PRRC2A: variants seen among roughly 807,000 people sequenced by gnomAD.
PRRC2A encodes proline rich coiled-coil 2A.
PRRC2A carries 59 observed loss-of-function variants against 224.6 expected under a neutral mutation model. The observed-to-expected ratio is 0.26, with a 90% CI of 0.21 to 0.33. The LOEUF (loss-of-function observed/expected upper bound fraction) is 0.33. Among genes scored for constraint, PRRC2A ranks in the 10% least tolerant of loss-of-function variants. The pLI is 1.00. For missense variants in PRRC2A, 3,095 were observed against 2,880.7 expected (o/e 1.07, Z -1.70); for synonymous variants, 1,194 against 1,109.5 (o/e 1.08, Z -1.51).
At chr6:31,637,191 G>A (rs750468211) in intron 29 of PRRC2A, 43 bp from the exon 30 acceptor site, 1 of 1,604,972 alleles carries the variant, frequency 6.2e-7, no homozygotes, top group African/African-American at 1.3e-5. Context: ...TTGGAACCAG[G>A]GTCTGGATCC....
At position 31,625,225 on chromosome 6, in the gene PRRC2A, T is replaced by C. The variant is rs781710222; in HGVS notation, c.518T>C (p.Leu173Pro). The C allele has an allele frequency of 6.2e-7, 1 of 1,613,124 alleles. No homozygotes were observed. Among genetic ancestry groups the C allele is most frequent in the Non-Finnish European group, 8.5e-7 (1 of 1,180,026 alleles). ...SRFSREEFPT[L>P]QAAGDQDKAA... ...TTCTCTCGAGAGGAATTTCCGACCC[T>C]GCAGGCGGCTGGCGACCAGGACAAG... Residue 173 changes from leucine to proline, a missense_variant, in exon 6 of 31, where the codon CTG becomes CCG. Coordinates refer to ENST00000376033, the MANE Select transcript of PRRC2A (RefSeq NM_004638.4). This position sits in a 1 kb window ranked among gnomAD's most constrained non-coding sequence, Gnocchi z 4.1.
Position 31,631,614 on chromosome 6 carries a change from C to G in PRRC2A, c.2941C>G (p.Pro981Ala). ...GGATGAAACCCCCAAACCCCCAAAGCCAGACCCACTCAAGATAACCAAGGG... is the reference window on the plus strand; with the variant it reads ...GGATGAAACCCCCAAACCCCCAAAGGCAGACCCACTCAAGATAACCAAGGG... ...QGDETPKPPK[P>A]DPLKITKGKL... The change falls in exon 16 of 31, where the codon CCA becomes GCA. Residue 981 changes from proline to alanine, a missense_variant. This residue lies in a region of PRRC2A where 2,001 missense variants were observed against 1,764.9 expected (regional missense o/e 1.13). Transcript: ENST00000376033. The surrounding 1 kb of genome is among the most constrained non-coding windows in gnomAD (Gnocchi z 4.5). 1 of 1,533,202 alleles carries G rather than the reference C, an allele frequency of 6.5e-7. No homozygotes were observed. The highest frequency in any genetic ancestry group is 8.7e-7 in the Non-Finnish European group (1 of 1,144,544). The allele number at this position is 1,533,202 out of a possible 1,614,324, so 95.0% of individuals were successfully genotyped here. A position where few individuals can be genotyped will look rare whatever the true frequency, so the allele number is the denominator to read the frequency against.
Position 31,623,829 on chromosome 6 carries a change from A to G in PRRC2A, c.210A>G (p.Lys70=), listed in dbSNP as rs116417610. 8 of 1,614,206 alleles carry G rather than the reference A, an allele frequency of 5.0e-6. No individual in the cohort carries two copies. Among genetic ancestry groups the G allele is most frequent in the African/African-American group, 2.7e-5 (2 of 75,046 alleles). Residue 70 remains lysine, a synonymous_variant, in exon 3 of 31, where the codon AAA becomes AAG. Transcript: ENST00000376033. The stretch of plus-strand genomic sequence containing the variant: ...TTCCAAGCCTGAAAGCCGAGAACAA[A>G]GGCAATGACCCCAATGTCTCACTAG... The part of the protein sequence containing the change: ...ANLPSLKAEN[K]GNDPNVSLVP...
chr6:31,637,222 T>C lies in PRRC2A; in HGVS notation c.6243-12T>C. The C allele has an allele frequency of 6.2e-7, 1 of 1,609,148 alleles. No homozygotes were observed. Among genetic ancestry groups the C allele is most frequent in the Non-Finnish European group, 8.5e-7 (1 of 1,176,448 alleles). ...GATCCTAGGCTTGCCTTAGACGCCC[T>C]TCTTCCCTTAGGTCCTTCTCTGGCC... is the stretch of plus-strand genomic sequence containing the variant. On this transcript the variant is annotated splice_polypyrimidine_tract_variant and intron_variant, in intron 29 of 30. Transcript: ENST00000376033.
intron 12 of PRRC2A, 22 bp downstream of exon 12, chr6:31,628,261 C>T (rs1406140009): frequency 6.3e-7 from 1 of 1,592,644 alleles, no homozygotes; most frequent in Non-Finnish European, 8.5e-7. Context: ...GGGATAGGTA[C>T]TACCAGATGT....
At chr6:31,624,797 C>A in intron 5 of PRRC2A, 2 of 549,246 alleles carry the variant, frequency 3.6e-6, no homozygotes, top group Non-Finnish European at 6.4e-6. Context: ...CTGTCAGAGC[C>A]TTCCACTTTT....
rs1372977951 is a variant in PRRC2A at position 31,637,539 on chromosome 6, C to A, written c.6427C>A (p.Pro2143Thr). The A allele has an allele frequency of 6.3e-7, 1 of 1,592,846 alleles. No individual in the cohort carries two copies. The change falls in exon 31 of 31, where the codon CCT becomes ACT. Residue 2143 changes from proline (P) to threonine (T), a missense_variant. Pro to Thr is a conservative substitution (Grantham distance 38). This residue lies in a region of PRRC2A where 662 missense variants were observed against 609.5 expected (regional missense o/e 1.09). Transcript: ENST00000376033. ...REGPSRRAEEPGSRGDKEPGL... is the reference protein window; with the variant it reads ...REGPSRRAEETGSRGDKEPGL... ...AGGGCCCTCCCGACGGGCAGAGGAG[C>A]CTGGGTCCCGAGGGGACAAGGAGCC...
chr6:31,624,558 G>A (rs771367760), intron 5 of PRRC2A, 36 bp downstream of exon 5: 1 of 1,576,164 alleles, frequency 6.3e-7, no homozygotes, highest in East Asian at 2.2e-5. Context: ...CTGTGTCTGG[G>A]CACCATGGGA....
In PRRC2A at chr6:31,628,025, C is replaced by G. The variant is rs1776110260; in HGVS notation, c.1551C>G (p.Thr517=). ...EPAAPPAAPS[T]PAPPPAVPKE... is the part of the protein sequence containing the mutation. ...CTGCCCCACCTGCTGCCCCTTCTAC[C>G]CCAGCTCCACCACCTGCAGTCCCTA... The change falls in exon 12 of 31, where the codon ACC becomes ACG. Residue 517 remains threonine (T), a synonymous_variant. Transcript: ENST00000376033. 6.2e-7 allele frequency: 1 copy of G among 1,612,688 alleles called. No homozygotes were observed. Among genetic ancestry groups the G allele is most frequent in the Non-Finnish European group, 8.5e-7 (1 of 1,179,906 alleles).
chr6:31,631,775 A>AG lies in PRRC2A; in HGVS notation c.3105dup (p.Arg1036GlufsTer29). ...GGGGCCGAGGCGAGTATTTTGCCAG[A>AG]GGGAGGGGTTTTCGGGGGACCTATG... is the stretch of plus-strand genomic sequence containing the variant. On this transcript the variant is annotated frameshift_variant, in exon 16 of 31. Transcript: ENST00000376033. LOFTEE classifies it high-confidence loss of function. This position sits in a 1 kb window ranked among gnomAD's most constrained non-coding sequence, Gnocchi z 4.5. 6.5e-7 allele frequency: 1 copy of AG among 1,544,740 alleles called. No homozygotes were observed. The highest frequency in any genetic ancestry group is 8.7e-7 in the Non-Finnish European group (1 of 1,144,610).
rs564884246 is a variant in PRRC2A at position 31,635,052 on chromosome 6, C to T, written c.5160+75C>T. ...GGCCCTACCTTTTTCTGCTTTTTCT[C>T]TCTGCGTGTGTGTTCTGGGCATTCC... On this transcript the variant is annotated intron_variant, in intron 21 of 30. Transcript: ENST00000376033. 33 of 1,597,954 alleles carry T rather than the reference C, an allele frequency of 2.1e-5. 1 individual carries two copies. The South Asian group carries it at 3.7e-4, about 18-fold the overall frequency.
At chr6:31,628,382 T>C (rs924575450) in intron 12 of PRRC2A, 143 bp downstream of exon 12, 4 of 1,344,896 alleles carry the variant, frequency 3.0e-6, no homozygotes, top group Admixed American at 5.7e-5. Flanking sequence ...TGTTCTATCA[T>C]TTGTATATCT....
chr6:31,632,464 G>T lies in PRRC2A; in HGVS notation c.3791G>T (p.Arg1264Leu), dbSNP rs761268947. ...CGTTTCCGGAGGCTGAAGCAGGAACGGGAGAATGCCGCAAGGGGGTCTGAG... is the reference window on the plus strand; with the variant it reads ...CGTTTCCGGAGGCTGAAGCAGGAACTGGAGAATGCCGCAAGGGGGTCTGAG... ...PPRFRRLKQE[R>L]ENAARGSEGK... Residue 1264 changes from arginine to leucine, a missense_variant, in exon 16 of 31, where the codon CGG becomes CTG. Arg to Leu is a moderately radical substitution (Grantham distance 102). Around this residue, in one of 8 missense-constraint regions of PRRC2A, gnomAD observed 2,001 missense variants for 1,764.9 expected, o/e 1.13. Transcript: ENST00000376033. 1.2e-6 allele frequency: 2 copies of T among 1,606,352 alleles called. No homozygotes were observed. Among genetic ancestry groups the T allele is most frequent in the Admixed American group, 3.4e-5 (2 of 59,656 alleles).
In PRRC2A at chr6:31,632,863, G is replaced by T; in HGVS notation, c.4190G>T (p.Arg1397Leu). The T allele has an allele frequency of 6.2e-7, 1 of 1,613,028 alleles. No individual in the cohort carries two copies. The highest frequency in any genetic ancestry group is 8.5e-7 in the Non-Finnish European group (1 of 1,179,978). The change falls in exon 16 of 31, where the codon CGG (arginine) becomes CTG (leucine). Residue 1397 changes from arginine to leucine, a missense_variant. Coordinates refer to ENST00000376033, the MANE Select transcript of PRRC2A (RefSeq NM_004638.4). Reference protein sequence around the residue: ...SQRPGMERQNRRPGPGGKAGS... With the variant: ...SQRPGMERQNLRPGPGGKAGS... ...CGGCCAGGCATGGAACGGCAGAATC[G>T]GCGCCCTGGCCCAGGGGGCAAGGCT... is the stretch of plus-strand genomic sequence containing the variant.
chr6:31,630,849 A>G, intron 15 of PRRC2A, 48 bp downstream of exon 15: 1 of 1,591,764 alleles, frequency 6.3e-7, no homozygotes, highest in Non-Finnish European at 8.6e-7. Flanking sequence ...GAAAGGATCT[A>G]GGCCTGGGAG....
In PRRC2A at chr6:31,636,835, G is replaced by A. The variant is rs1777409218; in HGVS notation, c.6037G>A (p.Gly2013Ser). 3 of 1,612,058 alleles carry A rather than the reference G, an allele frequency of 1.9e-6. No individual in the cohort carries two copies. The African/African-American group carries it at 4.0e-5, about 22-fold the overall frequency. ...APPPLSLLPV[G>S]PALQPPSLAV... ...ACCTCCCCTTTCTCTGTTACCTGTGGGCCCTGCTCTGCAGCCCCCCAGCCT... is the reference window on the plus strand; with the variant it reads ...ACCTCCCCTTTCTCTGTTACCTGTGAGCCCTGCTCTGCAGCCCCCCAGCCT... The change falls in exon 28 of 31, where the codon GGC becomes AGC. Residue 2013 changes from glycine (G) to serine (S), a missense_variant. This residue lies in a region of PRRC2A where 662 missense variants were observed against 609.5 expected (regional missense o/e 1.09). Transcript: ENST00000376033. The surrounding 1 kb of genome is among the most constrained non-coding windows in gnomAD (Gnocchi z 4.3).
Position 31,633,372 on chromosome 6 carries a change from TC to T in PRRC2A, c.4320-6del. Reference sequence around the variant, plus strand: ...GGATACTGGAGCTAATGCTCTGTTTTCTCCAGTCGTCCTCCAGAGGAGCGTC... The same window carrying T: ...GGATACTGGAGCTAATGCTCTGTTTTTCCAGTCGTCCTCCAGAGGAGCGTC... On this transcript the variant is annotated splice_polypyrimidine_tract_variant and splice_region_variant and intron_variant, in intron 16 of 30. Coordinates refer to ENST00000376033, the MANE Select transcript of PRRC2A (RefSeq NM_004638.4). 6.2e-7 allele frequency: 1 copy of T among 1,610,424 alleles called. No individual in the cohort carries two copies. Among genetic ancestry groups the T allele is most frequent in the Non-Finnish European group, 8.5e-7 (1 of 1,178,314 alleles).
intron 2 of PRRC2A, 131 bp downstream of exon 2, chr6:31,623,032 C>T (rs1314466038): frequency 1.2e-6 from 1 of 845,036 alleles, no homozygotes; most frequent in East Asian, 2.4e-5. Context: ...CCCAACTTTA[C>T]ACTGGGTCCT....
At position 31,634,354 on chromosome 6, in the gene PRRC2A, G is replaced by A. The variant is rs760310035; in HGVS notation, c.4838G>A (p.Arg1613His). 3.7e-6 allele frequency: 6 copies of A among 1,612,888 alleles called. No individual in the cohort carries two copies. The highest frequency in any genetic ancestry group is 5.1e-6 in the Non-Finnish European group (6 of 1,179,956). The change falls in exon 19 of 31, where the codon CGT becomes CAT. Residue 1613 changes from arginine to histidine, a missense_variant. Arg to His is a conservative substitution (Grantham distance 29). Coordinates refer to ENST00000376033, the MANE Select transcript of PRRC2A (RefSeq NM_004638.4). ...TEALTPHIWN[R>H]LHTATSRKSY... ...GCCCTGACCCCTCACATCTGGAACC[G>A]TTTACATACTGGTGAGTAAAGCTGA...
Sources: allele counts gnomAD v4.1 joint callset, GRCh38; gene constraint gnomAD v4.1.1; regional missense constraint gnomAD v4.1.1; non-coding constraint Gnocchi (gnomAD v3.1); transcripts MANE v1.5; gene names NCBI Gene and HGNC (gene_info 2026-07-23, HGNC 2026-07-21).